Variants in CDH13 observed in about 807,000 individuals in gnomAD.
CDH13 encodes cadherin-13.
CDH13 carries 24 observed loss-of-function variants against 63.8 expected under a neutral mutation model. The observed-to-expected ratio is 0.38, with a 90% CI of 0.27 to 0.53. The LOEUF is 0.53. CDH13 is among the 20% of genes least tolerant of loss of function. The pLI is 0.85. For missense variants in CDH13, 1,049 were observed against 903.1 expected, an observed-to-expected ratio of 1.16 and a Z score of -2.07; for synonymous variants, 503 against 355.3, an observed-to-expected ratio of 1.42 and a Z score of -4.67.
intron 5 of CDH13, among the ~76,000 whole-genome samples, chr16:83,282,431 C>G (rs1377878181): frequency 1.7e-4 from 26 of 152,160 alleles, no homozygotes. Context: ...ATGACAATGA[C>G]TTATCTGTGA....
chr16:83,383,463 G>A (rs928365234), intron 6 of CDH13, among the ~76,000 whole-genome samples: 2 of 152,162 alleles, frequency 1.3e-5, no homozygotes, highest in Admixed American at 6.5e-5. Context: ...CCAGTTCTTA[G>A]CTGAGCATCT....
intron 5 of CDH13, among the ~76,000 whole-genome samples, chr16:83,338,781 A>C (rs1015237429): frequency 1.3e-5 from 2 of 152,218 alleles, no homozygotes; most frequent in African/African-American, 4.8e-5. Flanking sequence ...GAGTTGGAAG[A>C]ACTGAAAAAA....
chr16:82,874,646 C>T (rs187795535), intron 2 of CDH13, among the ~76,000 whole-genome samples: 37 of 152,208 alleles, frequency 2.4e-4, no homozygotes, highest in African/African-American at 8.9e-4. Flanking sequence ...GGGGGGATTC[C>T]AAATGAGGAA....
intron 1 of CDH13, among the ~76,000 whole-genome samples, chr16:82,697,679 C>T (rs566684505): frequency 3.0e-4 from 45 of 151,956 alleles, no homozygotes; most frequent in African/African-American, 9.7e-4. Context: ...CCACCTGCCT[C>T]GGCCTCCTAA....
chr16:82,797,807 G>A lies in CDH13; in HGVS notation c.46-60555G>A, dbSNP rs9925213. 6.4e-3 allele frequency among the ~76,000 whole-genome samples: 969 copies of A among 150,290 alleles called. 7 individuals carry two copies. Among genetic ancestry groups the A allele is most frequent in the African/African-American group, 0.022 (911 of 40,768 alleles). On this transcript the variant is annotated intron_variant, in intron 1 of 13. Transcript: ENST00000567109. ...TGTGTGTGTGTGTGTGTGTGTGTGT[G>A]TATACATGTGTATGTGTACATACTT...
intron 7 of CDH13, among the ~76,000 whole-genome samples, chr16:83,601,780 G>A (rs981165347): frequency 6.6e-6 from 1 of 152,140 alleles, no homozygotes; most frequent in African/African-American, 2.4e-5. Context: ...TGAAATAGCA[G>A]ATATGGATGT....
At chr16:83,276,816 G>C (rs1436404208) in intron 5 of CDH13, among the ~76,000 whole-genome samples, 1 of 152,156 alleles carries the variant, frequency 6.6e-6, no homozygotes, top group Non-Finnish European at 1.5e-5. Flanking sequence ...GCCTACAGGA[G>C]CCAAGATCAG....
At chr16:83,451,629 C>T (rs1025055931) in intron 6 of CDH13, among the ~76,000 whole-genome samples, 2 of 152,190 alleles carry the variant, frequency 1.3e-5, no homozygotes, top group Non-Finnish European at 2.9e-5. Flanking sequence ...GAGATTCTCC[C>T]ACCTCAGCCT....
intron 8 of CDH13, among the ~76,000 whole-genome samples, chr16:83,616,737 C>T (rs574132211): frequency 3.9e-5 from 6 of 152,240 alleles, no homozygotes; most frequent in East Asian, 1.9e-4. Context: ...GAAGATGAAA[C>T]GTCCAGGTCC....
chr16:83,109,356 A>C (rs551156399), intron 3 of CDH13, among the ~76,000 whole-genome samples: 5 of 152,166 alleles, frequency 3.3e-5, no homozygotes, highest in Non-Finnish European at 7.3e-5. Flanking sequence ...ACTGCTGAGA[A>C]AAGGGATGCA....
chr16:83,059,588 C>A (rs980265350), intron 3 of CDH13, among the ~76,000 whole-genome samples: 7 of 152,146 alleles, frequency 4.6e-5, no homozygotes, highest in South Asian at 2.1e-4. Context: ...AGGCACAAGA[C>A]GGTTTGGCCA....
At chr16:82,855,601 C>T (rs939328050) in intron 1 of CDH13, among the ~76,000 whole-genome samples, 1 of 152,164 alleles carries the variant, frequency 6.6e-6, no homozygotes. Context: ...TGTGTATGTG[C>T]CACTTGGGAT....
intron 1 of CDH13, chr16:82,825,386 C>A (rs552658364): frequency 6.6e-6 from 1 of 151,960 alleles, no homozygotes; most frequent in Admixed American, 6.6e-5. Context: ...TTAAATAATG[C>A]CTCACTTTCT....
intron 7 of CDH13, among the ~76,000 whole-genome samples, chr16:83,498,370 G>C (rs1250018154): frequency 6.6e-6 from 1 of 152,160 alleles, no homozygotes; most frequent in African/African-American, 2.4e-5. Flanking sequence ...GATTATTCTA[G>C]AGCCACCTGG....
At chr16:83,543,101 T>C (rs1240494991) in intron 7 of CDH13, among the ~76,000 whole-genome samples, 2 of 152,244 alleles carry the variant, frequency 1.3e-5, no homozygotes, top group Non-Finnish European at 2.9e-5. Flanking sequence ...GAGTGTAGCT[T>C]GGCGCTTGGC....
chr16:83,377,386 C>T (rs1339539779), intron 6 of CDH13, among the ~76,000 whole-genome samples: 1 of 152,206 alleles, frequency 6.6e-6, no homozygotes, highest in Non-Finnish European at 1.5e-5. Context: ...CTTGCCACAT[C>T]TCAAAGGCTA....
At chr16:82,820,042 G>A (rs2037928023) in intron 1 of CDH13, among the ~76,000 whole-genome samples, 1 of 152,088 alleles carries the variant, frequency 6.6e-6, no homozygotes, top group African/African-American at 2.4e-5. Flanking sequence ...AGCCAGGAGG[G>A]TTCCTGGCTG....
intron 3 of CDH13, among the ~76,000 whole-genome samples, chr16:83,112,839 T>C (rs2035124427): frequency 1.3e-5 from 2 of 152,248 alleles, no homozygotes; most frequent in Admixed American, 1.3e-4. Flanking sequence ...TTTAAAAATA[T>C]TTCTCAACTT....
intron 6 of CDH13, among the ~76,000 whole-genome samples, chr16:83,369,485 C>T (rs1483565857): frequency 6.6e-6 from 1 of 152,170 alleles, no homozygotes; most frequent in Non-Finnish European, 1.5e-5. Flanking sequence ...GTAGTGCAGT[C>T]ATGGCTCACT....
Sources: gnomAD v4.1 joint callset for allele counts (sites outside exome capture counted in the v4.1 genomes callset) on GRCh38, gnomAD v4.1.1 for gene constraint, MANE v1.5 for transcripts, NCBI Gene and HGNC (gene_info 2026-07-23, HGNC 2026-07-21) for gene names.